VPS13B: variants seen among roughly 807,000 people sequenced by gnomAD.
VPS13B encodes the protein intermembrane lipid transfer protein VPS13B.
Under a neutral mutation model 426.4 loss-of-function variants are expected in VPS13B, and 285 were observed. The observed-to-expected ratio is 0.67, with a 90% CI of 0.61 to 0.74. The LOEUF is 0.74. Among genes scored for constraint, VPS13B ranks in the 30% least tolerant of loss-of-function variants. The pLI is 0.00. For synonymous variants in VPS13B, 1,676 were observed against 1,676.4 expected, an observed-to-expected ratio of 1.00 and a Z score of 0.01; for missense variants, 4,537 against 4,782.6, an observed-to-expected ratio of 0.95 and a Z score of 1.51.
intron 33 of VPS13B, among the ~76,000 whole-genome samples, chr8:99,611,345 A>G (rs1011392722): frequency 6.6e-6 from 1 of 152,184 alleles, no homozygotes; most frequent in Non-Finnish European, 1.5e-5. Context: ...TATTTTTGAT[A>G]GGAATTTTCA....
rs533572437 is a variant in VPS13B at position 99,049,072 on chromosome 8, C to G, written c.291+10506C>G. 2.0e-5 allele frequency among the ~76,000 whole-genome samples: 3 copies of G among 152,202 alleles called. No homozygotes were observed. In the South Asian group the frequency reaches 6.2e-4, roughly 32 times the overall value. ...GAGTCCTTATGTGGTAGGTGAGTCT[C>G]TTGAAGGCAGCTGATGGTTGGTGAA... On this transcript the variant is annotated intron_variant, in intron 3 of 61. Transcript: ENST00000357162.
chr8:99,313,691 A>G (rs1588239813), intron 19 of VPS13B, among the ~76,000 whole-genome samples: 1 of 152,086 alleles, frequency 6.6e-6, no homozygotes, highest in East Asian at 1.9e-4. Flanking sequence ...ACTCACTTCA[A>G]ACCTGTCAGA....
chr8:99,718,671 CTTTTTTTT>C (rs1307941415), intron 37 of VPS13B, among the ~76,000 whole-genome samples: 1 of 141,786 alleles, frequency 7.1e-6, no homozygotes, highest in Admixed American at 7.1e-5. Flanking sequence ...TTCTTTTTTT[CTTTTTTTT>C]TTTTTGAGAC....
Position 99,029,465 on chromosome 8 carries a change from G to T in VPS13B, c.148-8958G>T, listed in dbSNP as rs1842393142. 2.0e-5 allele frequency among the ~76,000 whole-genome samples: 3 copies of T among 152,218 alleles called. No individual in the cohort carries two copies. The South Asian group carries it at 6.2e-4, about 32-fold the overall frequency. On this transcript the variant is annotated intron_variant, in intron 2 of 61. Transcript: ENST00000357162. ...TGTAGCGAGCCGAGATCACGCCACT[G>T]CACTCCAGCCTGGGCACCATTGAGC...
chr8:99,425,368 T>C (rs1431239403), intron 21 of VPS13B, among the ~76,000 whole-genome samples: 1 of 152,170 alleles, frequency 6.6e-6, no homozygotes, highest in Non-Finnish European at 1.5e-5. Context: ...TTATCCACCA[T>C]GATCAAGTGG....
intron 23 of VPS13B, among the ~76,000 whole-genome samples, chr8:99,466,165 C>T (rs1309840938): frequency 6.6e-6 from 1 of 151,952 alleles, no homozygotes; most frequent in Non-Finnish European, 1.5e-5. Context: ...ATCCATCACC[C>T]ATAGGGGAAA....
chr8:99,735,326 G>T (rs1314151107), intron 39 of VPS13B, among the ~76,000 whole-genome samples: 2 of 152,142 alleles, frequency 1.3e-5, no homozygotes, highest in African/African-American at 4.8e-5. Context: ...TTTGGAAGTA[G>T]GGTTTTTGCA....
chr8:99,590,935 G>A (rs971865540), intron 33 of VPS13B, among the ~76,000 whole-genome samples: 2 of 152,044 alleles, frequency 1.3e-5, no homozygotes, highest in African/African-American at 4.8e-5. Context: ...TGATAGTGGG[G>A]TGTTAAAGTC....
chr8:99,417,935 A>G (rs1422012095), intron 21 of VPS13B, among the ~76,000 whole-genome samples: 1 of 152,184 alleles, frequency 6.6e-6, no homozygotes, highest in Non-Finnish European at 1.5e-5. Flanking sequence ...TTAAGATCAC[A>G]TATCTTGAAT....
At position 99,313,907 on chromosome 8, in the gene VPS13B, G is replaced by A. The variant is rs550977178; in HGVS notation, c.2824+38653G>A. Among the ~76,000 whole-genome samples, 57 of 152,132 alleles carry A rather than the reference G, an allele frequency of 3.7e-4. 1 individual carries two copies. In the South Asian group the frequency reaches 0.012, roughly 31 times the overall value. ...CCACCCTTGCTGCCATCTTGCAGAT[G>A]GATTTCAGACTGCTGTGCTAGCAAT... On this transcript the variant is annotated intron_variant, in intron 19 of 61. Transcript: ENST00000357162.
At chr8:99,069,658 A>T (rs1422177615) in intron 3 of VPS13B, among the ~76,000 whole-genome samples, 1 of 152,192 alleles carries the variant, frequency 6.6e-6, no homozygotes, top group Non-Finnish European at 1.5e-5. Context: ...ATCTACTATT[A>T]CTGAGTAAAT....
intron 25 of VPS13B, among the ~76,000 whole-genome samples, chr8:99,497,966 T>C (rs1031646772): frequency 3.3e-5 from 5 of 152,096 alleles, no homozygotes. Context: ...TATTTGAATA[T>C]CTATGAAAAA....
chr8:99,436,352 A>T (rs1817374248), intron 22 of VPS13B, among the ~76,000 whole-genome samples: 1 of 152,194 alleles, frequency 6.6e-6, no homozygotes. Flanking sequence ...TATCACTTTG[A>T]ATTAATTGTA....
chr8:99,191,493 C>T (rs941289278), intron 16 of VPS13B, among the ~76,000 whole-genome samples: 5 of 148,054 alleles, frequency 3.4e-5, no homozygotes, highest in Admixed American at 1.4e-4. Flanking sequence ...AAGCAATTCT[C>T]CTGCCTCAGG....
intron 19 of VPS13B, among the ~76,000 whole-genome samples, chr8:99,381,782 G>A (rs1483455986): frequency 6.7e-6 from 1 of 149,312 alleles, no homozygotes; most frequent in Admixed American, 6.7e-5. Flanking sequence ...ATTTCTTTAT[G>A]TTCCTTATAG....
chr8:99,043,126 T>G (rs1456710444), intron 3 of VPS13B, among the ~76,000 whole-genome samples: 1 of 152,140 alleles, frequency 6.6e-6, no homozygotes, highest in Non-Finnish European at 1.5e-5. Flanking sequence ...TTCCATACTT[T>G]CACAGGACGA....
chr8:99,274,360 TTATTGCCTGTATAGGA>T, intron 18 of VPS13B, 28 bp downstream of exon 18: 1 of 1,614,004 alleles, frequency 6.2e-7, no homozygotes, highest in South Asian at 1.1e-5. Flanking sequence ...GTGTAAAACT[TTATTGCCTGTATAGGA>T]GAATTGGCCT....
intron 29 of VPS13B, among the ~76,000 whole-genome samples, chr8:99,513,015 GAA>G (rs201570928): frequency 1.9e-5 from 2 of 103,506 alleles, no homozygotes; most frequent in Non-Finnish European, 4.0e-5. Flanking sequence ...TCTCAAGTGG[GAA>G]AAAAAAAAAA....
In VPS13B at chr8:99,468,996, A is replaced by T. The variant is rs889007111; in HGVS notation, c.3666+1362A>T. On this transcript the variant is annotated intron_variant, in intron 24 of 61. Transcript: ENST00000357162. Reference sequence around the variant, plus strand: ...TACTATATACTATACTGTTTGATTTAACTTTTATATTTGAAAAGATTAGAC... The same window carrying T: ...TACTATATACTATACTGTTTGATTTTACTTTTATATTTGAAAAGATTAGAC... Among the ~76,000 whole-genome samples, 3 of 152,126 alleles carry T rather than the reference A, an allele frequency of 2.0e-5. No homozygotes were observed. In the East Asian group the frequency reaches 5.8e-4, roughly 29 times the overall value.
Sources: gnomAD v4.1 joint callset for allele counts (sites outside exome capture counted in the v4.1 genomes callset) on GRCh38, gnomAD v4.1.1 for gene constraint, MANE v1.5 for transcripts, NCBI Gene and HGNC (gene_info 2026-07-23, HGNC 2026-07-21) for gene names.